The following PITRM1 variants were observed in gnomAD, a reference collection of about 807,000 sequenced individuals.
PITRM1 encodes pitrilysin metallopeptidase 1.
In PITRM1, 100 loss-of-function variants were observed where a neutral mutation model predicts 129.9. That is an observed-to-expected ratio of 0.77 (90% CI 0.65 to 0.91). The LOEUF (loss-of-function observed/expected upper bound fraction) is 0.91. PITRM1 is among the 40% of genes least tolerant of loss of function. The pLI is 0.00. For missense variants in PITRM1, 1,471 were observed against 1,318.3 expected, an observed-to-expected ratio of 1.12 and a Z score of -1.79; for synonymous variants, 591 against 508.8, an observed-to-expected ratio of 1.16 and a Z score of -2.17.
intron 9 of PITRM1, 130 bp from the exon 10 acceptor site, chr10:3,159,172 T>G (rs1318842071): frequency 1.2e-6 from 1 of 835,670 alleles, no homozygotes; most frequent in East Asian, 2.7e-5. Flanking sequence ...ATTTAACAAT[T>G]TTATGAGCAG....
Position 3,151,306 on chromosome 10 carries a change from AACGCTGGCAGAC to A in PITRM1, c.1667_1678del (p.Cys556_Ala559del). The stretch of plus-strand genomic sequence containing the variant: ...GGTGGGTTCAATATCGGAAACTTTC[AACGCTGGCAGAC>A]AAGAGGCATCTTGAGGTTTGCTTTG... On this transcript the variant is annotated inframe_deletion, in exon 15 of 27. Transcript: ENST00000224949. The A allele has an allele frequency of 6.2e-7, 1 of 1,611,412 alleles. No homozygotes were observed. Among genetic ancestry groups the A allele is most frequent in the Non-Finnish European group, 8.5e-7 (1 of 1,178,876 alleles).
chr10:3,157,847 A>G (rs995040990), intron 11 of PITRM1, among the ~76,000 whole-genome samples, 193 bp downstream of exon 11: 1 of 152,222 alleles, frequency 6.6e-6, no homozygotes, highest in African/African-American at 2.4e-5. Flanking sequence ...TCAAAACAAA[A>G]CAAAAACCTA....
Position 3,147,139 on chromosome 10 carries a change from C to T in PITRM1, c.2336+11G>A. On this transcript the variant is annotated intron_variant, in intron 20 of 26. Transcript: ENST00000224949. The stretch of plus-strand genomic sequence containing the variant: ...AATCATAAAATATTTAGAAACAAAT[C>T]ACACATGCACCTCATATTATCACCA... The T allele has an allele frequency of 7.4e-7, 1 of 1,345,992 alleles. No individual in the cohort carries two copies. Among genetic ancestry groups the T allele is most frequent in the African/African-American group, 1.4e-5 (1 of 69,400 alleles). 83.4% of individuals were successfully genotyped at this position (1,345,992 alleles called of 1,614,324 possible).
Position 3,138,976 on chromosome 10 carries a change from G to C in PITRM1, c.2845C>G (p.Gln949Glu). The change falls in exon 25 of 27, where the codon CAG becomes GAG. Residue 949 changes from glutamine to glutamate, a missense_variant. Physicochemically the swap from Gln to Glu is conservative, Grantham distance 29. Coordinates refer to ENST00000224949, the MANE Select transcript of PITRM1 (RefSeq NM_014889.4). ...VDWAKSGKFTQQDIDEAKLSV... is the reference protein window; with the variant it reads ...VDWAKSGKFTEQDIDEAKLSV... ...AGTTTGGCTTCGTCGATGTCTTGCT[G>C]TGTGAATTTTCCAGACTTAGCCCAG... The C allele has an allele frequency of 6.2e-7, 1 of 1,613,786 alleles. No individual in the cohort carries two copies. Among genetic ancestry groups the C allele is most frequent in the Non-Finnish European group, 8.5e-7 (1 of 1,179,676 alleles).
At chr10:3,170,014 G>A (rs1843202933) in intron 2 of PITRM1, 90 bp downstream of exon 2, 1 of 907,582 alleles carries the variant, frequency 1.1e-6, no homozygotes, top group African/African-American at 1.7e-5. Flanking sequence ...AAAAACGCTA[G>A]TCTCCGCCCT....
At chr10:3,155,817 T>C in intron 13 of PITRM1, 88 bp from the exon 14 acceptor site, 1 of 1,473,254 alleles carries the variant, frequency 6.8e-7, no homozygotes, top group Non-Finnish European at 9.3e-7. Context: ...TGGTGTGTTC[T>C]TGGTCCTGTG....
At position 3,156,940 on chromosome 10, in the gene PITRM1, T is replaced by C. The variant is rs753180899; in HGVS notation, c.1472A>G (p.Gln491Arg). 1.3e-6 allele frequency: 2 copies of C among 1,565,512 alleles called. No individual in the cohort carries two copies. The highest frequency in any genetic ancestry group is 1.7e-6 in the Non-Finnish European group (2 of 1,158,216). The change falls in exon 13 of 27, where the codon CAG becomes CGG. Residue 491 changes from glutamine to arginine, a missense_variant. Coordinates refer to ENST00000224949, the MANE Select transcript of PITRM1 (RefSeq NM_014889.4). The part of the protein sequence containing the change: ...NPKFLQEKVK[Q>R]YFKNNQHKLT... Reference sequence around the variant, plus strand: ...ATCCAACTTTCTTACCTTAAAATACTGTTTTACTTTTTCTTGCAAAAATTT... The same window carrying C: ...ATCCAACTTTCTTACCTTAAAATACCGTTTTACTTTTTCTTGCAAAAATTT...
At chr10:3,161,622 A>G (rs1311129939) in intron 7 of PITRM1, among the ~76,000 whole-genome samples, 1 of 151,104 alleles carries the variant, frequency 6.6e-6, no homozygotes, top group East Asian at 2.0e-4. Flanking sequence ...CCCTGGGGAA[A>G]CAGACAGTTG....
At chr10:3,149,792 G>C (rs1240633520) in intron 15 of PITRM1, 39 bp from the exon 16 acceptor site, 1 of 1,607,038 alleles carries the variant, frequency 6.2e-7, no homozygotes, top group South Asian at 1.1e-5. Context: ...ATTGCTGCCA[G>C]TAAAATTCTA....
intron 20 of PITRM1, 199 bp from the exon 21 acceptor site, chr10:3,145,915 TC>T: frequency 1.8e-6 from 1 of 566,150 alleles, no homozygotes. Flanking sequence ...TCCGCACAGT[TC>T]AATGTGGCAG....
At chr10:3,147,109 G>C in intron 20 of PITRM1, 41 bp downstream of exon 20, 1 of 1,094,734 alleles carries the variant, frequency 9.1e-7, no homozygotes, top group Non-Finnish European at 1.4e-6. Context: ...ATACTTAATA[G>C]AATGAATCAT....
rs771770301 is a variant in PITRM1, at chr10:3,147,745, A to G, written c.2070-8T>C. On this transcript the variant is annotated splice_polypyrimidine_tract_variant and splice_region_variant and intron_variant, in intron 18 of 26. Coordinates refer to ENST00000224949, the MANE Select transcript of PITRM1 (RefSeq NM_014889.4). Reference sequence around the variant, plus strand: ...TCTTCTTCAAAGCACGGGCTATGGAAAAAGGAGAAGAAAAAATTCCTGGAG... The same window carrying G: ...TCTTCTTCAAAGCACGGGCTATGGAGAAAGGAGAAGAAAAAATTCCTGGAG... 55 of 1,566,114 alleles carry G rather than the reference A, an allele frequency of 3.5e-5. No individual in the cohort carries two copies. Among genetic ancestry groups the G allele is most frequent in the Non-Finnish European group, 4.4e-5 (51 of 1,161,294 alleles).
intron 8 of PITRM1, 81 bp from the exon 9 acceptor site, chr10:3,160,017 G>T: frequency 8.0e-7 from 1 of 1,249,520 alleles, no homozygotes; most frequent in Non-Finnish European, 1.1e-6. Flanking sequence ...TACACGAAAT[G>T]GAGCGAAACA....
In PITRM1 at chr10:3,171,146, TTAAAAA is replaced by T. The variant is rs1446113938; in HGVS notation, c.57-946_57-941del. Among the ~76,000 whole-genome samples, 17 of 36,262 alleles carry T rather than the reference TTAAAAA, an allele frequency of 4.7e-4. 1 individual carries two copies. The highest frequency in any genetic ancestry group is 0.034 in the Middle Eastern group (2 of 58). The allele number at this position is 36,262 out of a possible 152,430, so 23.8% of individuals were successfully genotyped here. ...GATAAAGTGCGGACTAATCGTTCAA[TTAAAAA>T]AAAAAAAAAAAAAAAAAAAAAAAAA... On this transcript the variant is annotated intron_variant, in intron 1 of 26. Transcript: ENST00000224949.
At chr10:3,171,164 A>C (rs1161427565) in intron 1 of PITRM1, among the ~76,000 whole-genome samples, 1 of 134,742 alleles carries the variant, frequency 7.4e-6, no homozygotes, top group Non-Finnish European at 1.5e-5. Flanking sequence ...AAAAAAAAAA[A>C]AAAAAAAAAA....
chr10:3,143,876 C>T (rs1840542731), intron 22 of PITRM1: 3 of 536,662 alleles, frequency 5.6e-6, no homozygotes, highest in East Asian at 4.3e-5. Context: ...AATCACTCTA[C>T]TCCACAAGGA....
intron 16 of PITRM1, 118 bp downstream of exon 16, chr10:3,149,503 C>T: frequency 9.6e-7 from 1 of 1,037,290 alleles, no homozygotes. Context: ...ACCATACTTA[C>T]ACACTAACAT....
intron 1 of PITRM1, among the ~76,000 whole-genome samples, chr10:3,171,103 G>T (rs1293570825): frequency 7.6e-6 from 1 of 131,850 alleles, no homozygotes; most frequent in Non-Finnish European, 1.6e-5. Flanking sequence ...TCACCCGGAG[G>T]TGTATCGACA....
rs1169315061 is a variant in PITRM1, at chr10:3,171,147, TAAAAAAAAAA to T, written c.57-951_57-942del. Among the ~76,000 whole-genome samples the T allele has an allele frequency of 1.3e-3, 62 of 49,190 alleles. No homozygotes were observed. In the East Asian group the frequency reaches 0.02, roughly 16 times the overall value. 32.3% of individuals were successfully genotyped at this position (49,190 alleles called of 152,430 possible). ...ATAAAGTGCGGACTAATCGTTCAAT[TAAAAAAAAAA>T]AAAAAAAAAAAAAAAAAAAAAAAAA... On this transcript the variant is annotated intron_variant, in intron 1 of 26. Coordinates refer to ENST00000224949, the MANE Select transcript of PITRM1 (RefSeq NM_014889.4).
Sources: gnomAD v4.1 joint callset for allele counts (sites outside exome capture counted in the v4.1 genomes callset) on GRCh38, gnomAD v4.1.1 for gene constraint, MANE v1.5 for transcripts, NCBI Gene and HGNC (gene_info 2026-07-23, HGNC 2026-07-21) for gene names.